Variants in MAP2K6 observed in about 807,000 individuals in gnomAD.
MAP2K6 encodes the protein dual specificity mitogen-activated protein kinase kinase 6.
MAP2K6 carries 16 observed loss-of-function variants against 53.7 expected under a neutral mutation model. The observed-to-expected ratio is 0.30, with a 90% confidence interval of 0.20 to 0.45. The LOEUF (loss-of-function observed/expected upper bound fraction) is 0.45, where lower values mean the gene tolerates loss of function less well. Ranked by LOEUF, MAP2K6 falls within the 20% of genes least tolerant of loss-of-function variation. MAP2K6 has a pLI of 1.00. For missense variants in MAP2K6, 204 were observed against 411.9 expected (o/e 0.50, Z 4.37); for synonymous variants, 132 against 143.1 (o/e 0.92, Z 0.55).
At chr17:69,503,935 A>T (rs891389283) in intron 1 of MAP2K6, among the ~76,000 whole-genome samples, 1 of 152,166 alleles carries the variant, frequency 6.6e-6, no homozygotes, top group African/African-American at 2.4e-5. Flanking sequence ...GAAGAACCAG[A>T]TGTCAGCTGG....
Position 69,535,610 on chromosome 17 carries a change from A to G in MAP2K6, c.882-505A>G, listed in dbSNP as rs992034175. Among the ~76,000 whole-genome samples the G allele has an allele frequency of 5.3e-5, 8 of 152,284 alleles. No individual in the cohort carries two copies. In the South Asian group the frequency reaches 1.7e-3, roughly 32 times the overall value. On this transcript the variant is annotated intron_variant, in intron 10 of 11. Coordinates refer to ENST00000590474, the MANE Select transcript of MAP2K6 (RefSeq NM_002758.4). ...CCCTGTCTCAAGGAAAAGAAAATAA[A>G]TATTAGGGGTTTATTGCTTCTATCT...
intron 5 of MAP2K6, 35 bp downstream of exon 5, chr17:69,519,467 C>A: frequency 6.2e-7 from 1 of 1,611,064 alleles, no homozygotes; most frequent in Non-Finnish European, 8.5e-7. Flanking sequence ...CCAAGAGGAA[C>A]AATAACTTAA....
intron 7 of MAP2K6, among the ~76,000 whole-genome samples, chr17:69,522,962 G>A (rs1910557583): frequency 6.6e-6 from 1 of 152,050 alleles, no homozygotes; most frequent in Non-Finnish European, 1.5e-5. Context: ...TCAGGAGACT[G>A]AGGCGGGAGG....
Position 69,548,727 on chromosome 17 carries a change from G to T in MAP2K6, c.*6974G>T, listed in dbSNP as rs974431116. On this transcript the variant is annotated 3_prime_UTR_variant, in exon 12 of 12. Coordinates refer to ENST00000590474, the MANE Select transcript of MAP2K6 (RefSeq NM_002758.4). ...ATACATCACTCACTACCTGTTCCTG[G>T]TGACTACATAGAAGATGTGTTATTT... is the stretch of plus-strand genomic sequence containing the variant. 1 of 152,126 alleles carries T rather than the reference G, an allele frequency of 6.6e-6. No individual in the cohort carries two copies. Among genetic ancestry groups the T allele is most frequent in the Non-Finnish European group, 1.5e-5 (1 of 68,026 alleles). The allele number at this position is 152,126 out of a possible 1,614,324, so 9.4% of individuals were successfully genotyped here.
At chr17:69,469,617 G>T (rs1907920737) in intron 1 of MAP2K6, among the ~76,000 whole-genome samples, 1 of 152,066 alleles carries the variant, frequency 6.6e-6, no homozygotes, top group African/African-American at 2.4e-5. Flanking sequence ...CAAAAAATTA[G>T]CCAGGCATGG....
At chr17:69,482,489 T>C (rs977398810) in intron 1 of MAP2K6, among the ~76,000 whole-genome samples, 5 of 152,086 alleles carry the variant, frequency 3.3e-5, no homozygotes, top group African/African-American at 1.2e-4. Flanking sequence ...ATTTTATGCA[T>C]GTATAAGCAA....
rs1476573877 is a variant in MAP2K6 at position 69,544,722 on chromosome 17, T to TGC, written c.*2970_*2971dup. The TGC allele has an allele frequency of 6.6e-6, 1 of 152,212 alleles. No individual in the cohort carries two copies. Among genetic ancestry groups the TGC allele is most frequent in the African/African-American group, 2.4e-5 (1 of 41,464 alleles). The allele number at this position is 152,212 out of a possible 1,614,324, so 9.4% of individuals were successfully genotyped here. On this transcript the variant is annotated 3_prime_UTR_variant, in exon 12 of 12. Coordinates refer to ENST00000590474, the MANE Select transcript of MAP2K6 (RefSeq NM_002758.4). ...TTTGATATTATTGGTTTAAGAGGTG[T>TGC]GCCAAAAAAAGTAATATGCATAACT...
At chr17:69,419,184 T>A (rs1488762998) in intron 1 of MAP2K6, among the ~76,000 whole-genome samples, 1 of 152,184 alleles carries the variant, frequency 6.6e-6, no homozygotes, top group African/African-American at 2.4e-5. Flanking sequence ...CATATTGAGT[T>A]TTCAAACAGT....
At chr17:69,531,776 A>G (rs1259502902) in intron 10 of MAP2K6, among the ~76,000 whole-genome samples, 1 of 152,030 alleles carries the variant, frequency 6.6e-6, no homozygotes, top group Non-Finnish European at 1.5e-5. Flanking sequence ...TCTTTTTCCT[A>G]TATATCTCTT....
At chr17:69,498,603 T>G (rs1265567919) in intron 1 of MAP2K6, among the ~76,000 whole-genome samples, 1 of 151,438 alleles carries the variant, frequency 6.6e-6, no homozygotes, top group Non-Finnish European at 1.5e-5. Flanking sequence ...TTAGAGACTC[T>G]GTATGGCACC....
At chr17:69,528,859 CAAAAAAAAA>C (rs58897757) in intron 10 of MAP2K6, among the ~76,000 whole-genome samples, 4 of 59,090 alleles carry the variant, frequency 6.8e-5, no homozygotes, top group Admixed American at 2.9e-4. Context: ...GACGCCATCT[CAAAAAAAAA>C]AAAAAAAAAA....
intron 1 of MAP2K6, among the ~76,000 whole-genome samples, chr17:69,498,166 A>G (rs771466111): frequency 6.6e-6 from 1 of 152,228 alleles, no homozygotes; most frequent in Non-Finnish European, 1.5e-5. Context: ...TAACACAGTG[A>G]GGAGCTAGCT....
At chr17:69,459,879 T>C (rs779685944) in intron 1 of MAP2K6, among the ~76,000 whole-genome samples, 1 of 150,724 alleles carries the variant, frequency 6.6e-6, no homozygotes, top group African/African-American at 2.4e-5. Context: ...GCCTTCTGCC[T>C]TCCCTTTCTC....
rs1912091509 is a variant in MAP2K6 at position 69,551,331 on chromosome 17, G to A, written c.*9578G>A. ...GGTGTTGTAGGTGGAGAAGGGTAAT[G>A]GAAACCTGGTACAGCCTTTAGAAGT... On this transcript the variant is annotated 3_prime_UTR_variant, in exon 12 of 12. Transcript: ENST00000590474. 1 of 152,234 alleles carries A rather than the reference G, an allele frequency of 6.6e-6. No homozygotes were observed. The highest frequency in any genetic ancestry group is 2.4e-5 in the African/African-American group (1 of 41,444). 9.4% of individuals were successfully genotyped at this position (152,234 alleles called of 1,614,324 possible).
chr17:69,510,833 G>GA (rs2145234664), intron 2 of MAP2K6, among the ~76,000 whole-genome samples: 1 of 150,620 alleles, frequency 6.6e-6, no homozygotes, highest in East Asian at 2.0e-4. Flanking sequence ...GATAATTTGT[G>GA]TCTTCTTTTG....
At chr17:69,475,164 GTTTTTTTTTT>G (rs775528883) in intron 1 of MAP2K6, among the ~76,000 whole-genome samples, 6 of 111,652 alleles carry the variant, frequency 5.4e-5, no homozygotes, top group African/African-American at 2.2e-4. Context: ...TGAAATCTGT[GTTTTTTTTTT>G]TTTTTTTTTT....
chr17:69,485,122 T>A (rs1908483446), intron 1 of MAP2K6: 1 of 152,182 alleles, frequency 6.6e-6, no homozygotes, highest in East Asian at 1.9e-4. Flanking sequence ...ATAAAGGTAT[T>A]TTAATAAGAG....
intron 1 of MAP2K6, among the ~76,000 whole-genome samples, chr17:69,459,592 G>A (rs1907542556): frequency 6.6e-6 from 1 of 150,734 alleles, no homozygotes; most frequent in Non-Finnish European, 1.5e-5. Flanking sequence ...CGTGCCTATA[G>A]TCCCAGCTAC....
chr17:69,520,313 A>T lies in MAP2K6; in HGVS notation c.410A>T (p.Asp137Val). ...ATGGAGCTCATGGATACATCACTAG[A>T]TAAATTCTACAAACAAGTTATTGAT... is the stretch of plus-strand genomic sequence containing the variant. ...ICMELMDTSL[D>V]KFYKQVIDKG... The change falls in exon 6 of 12, where the codon GAT (aspartate) becomes GTT (valine). Residue 137 changes from aspartate to valine, a missense_variant. This residue lies in a region of MAP2K6 where 129 missense variants were observed against 247.1 expected (regional missense o/e 0.52). Coordinates refer to ENST00000590474, the MANE Select transcript of MAP2K6 (RefSeq NM_002758.4). 6.2e-7 allele frequency: 1 copy of T among 1,612,764 alleles called. No individual in the cohort carries two copies.
Sources: allele counts gnomAD v4.1 joint callset (sites outside exome capture counted in the v4.1 genomes callset), GRCh38; gene constraint gnomAD v4.1.1; regional missense constraint gnomAD v4.1.1; transcripts MANE v1.5; gene names NCBI Gene and HGNC (gene_info 2026-07-23, HGNC 2026-07-21).